Variants in MS4A12 observed in about 807,000 individuals in gnomAD.
The protein encoded by MS4A12 is membrane-spanning 4-domains subfamily A member 12.
A neutral mutation model predicts 23.7 loss-of-function variants in MS4A12; 28 were observed. That is an observed-to-expected ratio of 1.18 (90% CI 0.88 to 1.62). The LOEUF is 1.62. Among genes scored for constraint, MS4A12 ranks in the 40% most tolerant of loss-of-function variants. The pLI is 0.00. For synonymous variants in MS4A12, 108 were observed against 110.1 expected, an observed-to-expected ratio of 0.98 and a Z score of 0.12; for missense variants, 342 against 327.0, an observed-to-expected ratio of 1.05 and a Z score of -0.35.
chr11:60,503,048 C>T (rs1565205097), intron 4 of MS4A12, among the ~76,000 whole-genome samples: 1 of 152,130 alleles, frequency 6.6e-6, no homozygotes. Context: ...CTCGACTGTG[C>T]CACCCCTAGC....
chr11:60,500,264 A>C (rs567823679), intron 2 of MS4A12, among the ~76,000 whole-genome samples: 112 of 151,890 alleles, frequency 7.4e-4, no homozygotes, highest in African/African-American at 2.6e-3. Context: ...AAAAAAACAA[A>C]AAAAAAAACA....
intron 2 of MS4A12, among the ~76,000 whole-genome samples, chr11:60,498,432 A>AT (rs1437861574): frequency 6.6e-6 from 1 of 152,156 alleles, no homozygotes; most frequent in Non-Finnish European, 1.5e-5. Context: ...GCAGCAGCCT[A>AT]TTTACTAAGC....
In MS4A12 at chr11:60,503,625, A is replaced by G. The variant is rs550010642; in HGVS notation, c.472-76A>G. The G allele has an allele frequency of 5.9e-6, 7 of 1,183,688 alleles. No homozygotes were observed. In the East Asian group the frequency reaches 1.4e-4, roughly 24 times the overall value. 73.3% of individuals were successfully genotyped at this position (1,183,688 alleles called of 1,614,324 possible). ...GAAAGTTCAAAAATTAAGAACCATG[A>G]AATTTGATTGATTCTTATCTCACTT... On this transcript the variant is annotated intron_variant, in intron 4 of 6. Transcript: ENST00000016913.
chr11:60,502,830 C>T (rs193227668), intron 4 of MS4A12, among the ~76,000 whole-genome samples: 1 of 152,196 alleles, frequency 6.6e-6, no homozygotes, highest in African/African-American at 2.4e-5. Context: ...TCTGATTAAC[C>T]ACTCCTGTTG....
intron 4 of MS4A12, 26 bp from the exon 5 acceptor site, chr11:60,503,675 T>A: frequency 6.4e-7 from 1 of 1,554,908 alleles, no homozygotes; most frequent in Non-Finnish European, 8.8e-7. Context: ...TGTATATAAT[T>A]GATTTTTTCC....
chr11:60,503,739 C>G lies in MS4A12; in HGVS notation c.510C>G (p.Ile170Met). The change falls in exon 5 of 7, where the codon ATC becomes ATG. Residue 170 changes from isoleucine to methionine, a missense_variant. By Grantham distance (10) the Ile-to-Met change is conservative. Coordinates refer to ENST00000016913, the MANE Select transcript of MS4A12 (RefSeq NM_017716.3). ...GSLGMNIVSS[I>M]LAFIGVILLL... ...TGGGAATGAACATTGTTAGTTCTAT[C>G]TTGGCCTTCATTGGAGTGATTCTGC... 1.2e-6 allele frequency: 2 copies of G among 1,613,854 alleles called. No homozygotes were observed. Among genetic ancestry groups the G allele is most frequent in the Non-Finnish European group, 1.7e-6 (2 of 1,179,848 alleles).
intron 5 of MS4A12, among the ~76,000 whole-genome samples, chr11:60,506,515 G>A (rs79038658): frequency 0.035 from 5,266 of 151,902 alleles, 104 homozygotes; most frequent in African/African-American, 0.049. Flanking sequence ...AAACAAAATA[G>A]CCTACTTACC....
intron 3 of MS4A12, 86 bp from the exon 4 acceptor site, chr11:60,501,897 T>C: frequency 7.8e-7 from 1 of 1,285,198 alleles, no homozygotes; most frequent in African/African-American, 1.5e-5. Flanking sequence ...TAGATGAACA[T>C]AAATAGACCA....
rs1360562427 is a variant in MS4A12 at position 60,499,629 on chromosome 11, C to G, written c.277-1416C>G. ...AGGTTCATGGTTTTTATTGATGTCTCAAGAAACTTTTAGCATTGTTTATGA... is the reference window on the plus strand; with the variant it reads ...AGGTTCATGGTTTTTATTGATGTCTGAAGAAACTTTTAGCATTGTTTATGA... On this transcript the variant is annotated intron_variant, in intron 2 of 6. Coordinates refer to ENST00000016913, the MANE Select transcript of MS4A12 (RefSeq NM_017716.3). Among the ~76,000 whole-genome samples, 7 of 152,144 alleles carry G rather than the reference C, an allele frequency of 4.6e-5. No homozygotes were observed. The South Asian group carries it at 1.2e-3, about 27-fold the overall frequency.
At chr11:60,504,599 G>T (rs2086557113) in intron 5 of MS4A12, among the ~76,000 whole-genome samples, 1 of 152,080 alleles carries the variant, frequency 6.6e-6, no homozygotes, top group Non-Finnish European at 1.5e-5. Flanking sequence ...AAATTACTGT[G>T]GGCTACATAT....
chr11:60,494,631 TC>T (rs1430600673), intron 1 of MS4A12, among the ~76,000 whole-genome samples: 1 of 152,226 alleles, frequency 6.6e-6, no homozygotes, highest in Non-Finnish European at 1.5e-5. Flanking sequence ...AAATAATAGT[TC>T]CTTTTTAAGC....
At chr11:60,497,837 C>T (rs976570705) in intron 2 of MS4A12, 7 of 471,136 alleles carry the variant, frequency 1.5e-5, no homozygotes, top group Non-Finnish European at 2.6e-5. Context: ...ATTGACGTGA[C>T]AGAAGCACTG....
chr11:60,495,884 T>C (rs566696150), intron 1 of MS4A12, among the ~76,000 whole-genome samples: 1 of 152,330 alleles, frequency 6.6e-6, no homozygotes, highest in South Asian at 2.1e-4. Context: ...AGAAGTTTTG[T>C]TGTTGGGTAG....
chr11:60,500,237 T>C (rs1257764215), intron 2 of MS4A12, among the ~76,000 whole-genome samples: 1 of 139,728 alleles, frequency 7.2e-6, no homozygotes, highest in Non-Finnish European at 1.5e-5. Flanking sequence ...CAAGACTCTG[T>C]CTCAAAAAAA....
chr11:60,506,303 ATTC>A (rs1377616719), intron 5 of MS4A12, among the ~76,000 whole-genome samples: 2 of 152,126 alleles, frequency 1.3e-5, no homozygotes, highest in Non-Finnish European at 2.9e-5. Context: ...CCACACATCC[ATTC>A]TTCTGCCTTT....
At chr11:60,494,996 AT>A (rs11331718) in intron 1 of MS4A12, among the ~76,000 whole-genome samples, 76,526 of 140,978 alleles carry the variant, frequency 0.54, 19,937 homozygotes, top group East Asian at 0.63. Flanking sequence ...ATGTGTTTAC[AT>A]TTTTTTTTTT....
chr11:60,497,955 C>T (rs1390787513), intron 2 of MS4A12: 1 of 188,120 alleles, frequency 5.3e-6, no homozygotes, highest in Admixed American at 5.6e-5. Flanking sequence ...ATTTACATAA[C>T]AATGAACAAT....
At position 60,493,376 on chromosome 11, in the gene MS4A12, T is replaced by TAA. The variant is rs59628484; in HGVS notation, c.-7+566_-7+567dup. Among the ~76,000 whole-genome samples, 272 of 135,092 alleles carry TAA rather than the reference T, an allele frequency of 2.0e-3. 2 individuals are homozygous for TAA. Among genetic ancestry groups the TAA allele is most frequent in the African/African-American group, 6.8e-3 (248 of 36,402 alleles). 88.6% of individuals were successfully genotyped at this position (135,092 alleles called of 152,430 possible). A position where few individuals can be genotyped will look rare whatever the true frequency, so the allele number is the denominator to read the frequency against. ...GGGTGACAAGAGTGAAACTCCATCT[T>TAA]AAAAAAAAAAAAAAAAAAAGCTAAT... On this transcript the variant is annotated intron_variant, in intron 1 of 6. Transcript: ENST00000016913.
intron 4 of MS4A12, among the ~76,000 whole-genome samples, chr11:60,503,264 T>C (rs1197571460): frequency 1.3e-5 from 2 of 152,180 alleles, no homozygotes; most frequent in Non-Finnish European, 2.9e-5. Flanking sequence ...ACATGTTGTG[T>C]CTAAATACTT....
Sources: allele counts gnomAD v4.1 joint callset (sites outside exome capture counted in the v4.1 genomes callset), GRCh38; gene constraint gnomAD v4.1.1; transcripts MANE v1.5; gene names NCBI Gene and HGNC (gene_info 2026-07-23, HGNC 2026-07-21).